Variants in FBXL5 observed in about 807,000 individuals in gnomAD.
FBXL5 encodes F-box/LRR-repeat protein 5.
FBXL5 carries 26 observed loss-of-function variants against 78.3 expected under a neutral mutation model. That is an observed-to-expected ratio of 0.33 (90% CI 0.24 to 0.46). FBXL5 has a LOEUF of 0.46. Among genes scored for constraint, FBXL5 ranks in the 20% least tolerant of loss-of-function variants. FBXL5 has a pLI of 1.00. For synonymous variants in FBXL5, 295 were observed against 282.5 expected (o/e 1.04, Z -0.45); for missense variants, 710 against 829.2 (o/e 0.86, Z 1.77).
At chr4:15,668,456 C>A (rs768579719) in intron 1 of FBXL5, among the ~76,000 whole-genome samples, 1 of 125,112 alleles carries the variant, frequency 8.0e-6, no homozygotes, top group African/African-American at 2.6e-5. Context: ...AAATCACATT[C>A]TTTTATTTTT....
upstream of FBXL5, among the ~76,000 whole-genome samples, chr4:15,661,064 A>G (rs1400816001): frequency 6.6e-6 from 1 of 152,004 alleles, no homozygotes; most frequent in Non-Finnish European, 1.5e-5. Context: ...GTGACAGAGC[A>G]AGGCTCCATT....
intron 1 of FBXL5, among the ~76,000 whole-genome samples, chr4:15,679,123 C>T (rs1030344143): frequency 4.8e-5 from 7 of 145,828 alleles, no homozygotes; most frequent in Non-Finnish European, 5.9e-5. Context: ...AGTGCAGCGG[C>T]GTGATCTCGG....
upstream of FBXL5, among the ~76,000 whole-genome samples, chr4:15,658,542 A>G (rs77255500): frequency 0.018 from 2,688 of 152,200 alleles, 83 homozygotes; most frequent in African/African-American, 0.061. Flanking sequence ...TTACAAGAGG[A>G]AGAAAGACCT....
intron 4 of FBXL5, among the ~76,000 whole-genome samples, chr4:15,637,677 A>G (rs1490943051): frequency 2.0e-5 from 3 of 152,192 alleles, no homozygotes; most frequent in African/African-American, 7.2e-5. Flanking sequence ...TCTAAAGCAC[A>G]AGCTACATTT....
At chr4:15,614,844 ACT>A (rs953787841) in intron 9 of FBXL5, among the ~76,000 whole-genome samples, 3 of 152,116 alleles carry the variant, frequency 2.0e-5, no homozygotes, top group African/African-American at 7.2e-5. Context: ...CCACCACTGC[ACT>A]GTGGGAGCCC....
chr4:15,644,480 T>G lies in FBXL5; in HGVS notation c.300+13A>C. On this transcript the variant is annotated intron_variant, in intron 2 of 10. Transcript: ENST00000341285. ...CAAGTTTTGACAGTTGAATATCCATTTTTGCAACTTACCTTAACATTCTTC... is the reference window on the plus strand; with the variant it reads ...CAAGTTTTGACAGTTGAATATCCATGTTTGCAACTTACCTTAACATTCTTC... 4 of 1,588,708 alleles carry G rather than the reference T, an allele frequency of 2.5e-6. No homozygotes were observed. The highest frequency in any genetic ancestry group is 3.4e-6 in the Non-Finnish European group (4 of 1,166,936).
intron 1 of FBXL5, 27 bp from the exon 2 acceptor site, chr4:15,644,735 G>A (rs1239653453): frequency 6.5e-7 from 1 of 1,531,636 alleles, no homozygotes; most frequent in Non-Finnish European, 9.0e-7. Context: ...AAAGAAAAGT[G>A]TAATAAATAC....
At chr4:15,654,150 CCT>C (rs893192857) in intron 1 of FBXL5, among the ~76,000 whole-genome samples, 2 of 152,158 alleles carry the variant, frequency 1.3e-5, no homozygotes, top group Non-Finnish European at 2.9e-5. Flanking sequence ...ATGAAACACC[CCT>C]CTTTTCTGTA....
intron 1 of FBXL5, chr4:15,681,303 C>G (rs1205341480): frequency 1.3e-5 from 2 of 155,382 alleles, no homozygotes; most frequent in Non-Finnish European, 2.9e-5. Context: ...AACCAGCGTC[C>G]TGGCCCCGCC....
intron 1 of FBXL5, among the ~76,000 whole-genome samples, chr4:15,669,089 C>A (rs774157927): frequency 6.6e-6 from 1 of 152,150 alleles, no homozygotes; most frequent in African/African-American, 2.4e-5. Context: ...TCAGACACAA[C>A]TGAATTAGAT....
chr4:15,649,882 A>T (rs1242977119), intron 1 of FBXL5, among the ~76,000 whole-genome samples: 1 of 152,218 alleles, frequency 6.6e-6, no homozygotes, highest in East Asian at 1.9e-4. Context: ...ACCCCACATC[A>T]TACAACTAGT....
At chr4:15,638,069 T>G (rs1714466116) in intron 4 of FBXL5, among the ~76,000 whole-genome samples, 1 of 152,080 alleles carries the variant, frequency 6.6e-6, no homozygotes, top group African/African-American at 2.4e-5. Context: ...TAAACATAAC[T>G]AATTTTGAAA....
chr4:15,612,106 G>A, intron 10 of FBXL5, 160 bp downstream of exon 10: 3 of 554,848 alleles, frequency 5.4e-6, no homozygotes. Flanking sequence ...GTTAATTAAT[G>A]AAAATGTAAT....
intron 8 of FBXL5, among the ~76,000 whole-genome samples, chr4:15,626,378 C>T (rs1713063784): frequency 6.6e-6 from 1 of 152,172 alleles, no homozygotes; most frequent in Non-Finnish European, 1.5e-5. Context: ...AAGAGTATAC[C>T]TCTTCCTCTG....
chr4:15,614,595 G>C (rs1283645793), intron 9 of FBXL5, among the ~76,000 whole-genome samples: 1 of 152,122 alleles, frequency 6.6e-6, no homozygotes, highest in Non-Finnish European at 1.5e-5. Flanking sequence ...GTGAGGGCAG[G>C]GTTATTCATG....
chr4:15,661,958 A>G (rs1427374668), upstream of FBXL5, among the ~76,000 whole-genome samples: 1 of 152,190 alleles, frequency 6.6e-6, no homozygotes, highest in African/African-American at 2.4e-5. Flanking sequence ...ACCACATGGT[A>G]CTCTCTATGG....
intron 1 of FBXL5, among the ~76,000 whole-genome samples, chr4:15,671,513 ATCC>A (rs1468981565): frequency 1.3e-5 from 2 of 152,010 alleles, no homozygotes; most frequent in African/African-American, 4.8e-5. Context: ...CCTCAAAGCA[ATCC>A]TCCTGCCTCA....
rs115923787 is a variant in FBXL5, at chr4:15,679,263, A to C, written c.-284+2120T>G. 7.1e-3 allele frequency among the ~76,000 whole-genome samples: 1,087 copies of C among 152,118 alleles called. 10 individuals carry two copies. The highest frequency in any genetic ancestry group is 0.025 in the African/African-American group (1,038 of 41,474). ...TTTTTAGTAGAGACAGGGTTTCACC[A>C]TGTTGGTCAGGATCTCCTGATCTCA... On this transcript the variant is annotated intron_variant, in intron 1 of 4. Coordinates refer to the FBXL5 transcript ENST00000507899.
intron 6 of FBXL5, among the ~76,000 whole-genome samples, chr4:15,628,485 C>T (rs976132711): frequency 2.0e-5 from 3 of 152,004 alleles, no homozygotes; most frequent in African/African-American, 7.2e-5. Context: ...TAACATCCAC[C>T]ATGAAAACAC....
Sources: gnomAD v4.1 joint callset for allele counts (sites outside exome capture counted in the v4.1 genomes callset) on GRCh38, gnomAD v4.1.1 for gene constraint, MANE v1.5 for transcripts, NCBI Gene and HGNC (gene_info 2026-07-23, HGNC 2026-07-21) for gene names.